The following LRRC37A variants were observed in gnomAD, a reference collection of about 807,000 sequenced individuals.
The protein encoded by LRRC37A is leucine rich repeat containing 37A, also known as leucine-rich repeat-containing protein 37A.
In LRRC37A, 3 loss-of-function variants were observed where a neutral mutation model predicts 35.4. That is an observed-to-expected ratio of 0.08 (90% CI 0.04 to 0.22). The LOEUF (loss-of-function observed/expected upper bound fraction) is 0.22. LRRC37A is among the 10% of genes least tolerant of loss of function. LRRC37A has a pLI of 1.00. For synonymous variants in LRRC37A, 23 were observed against 215.0 expected (o/e 0.11, Z 7.81); for missense variants, 67 against 565.3 (o/e 0.12, Z 8.94).
the LRRC37A span, among the ~76,000 whole-genome samples, chr17:46,280,828 C>T: frequency 1.3e-5 from 2 of 152,178 alleles, no homozygotes; most frequent in Admixed American, 1.3e-4. Context: ...TCCGTCTTTG[C>T]CTTCCAAAGT....
the LRRC37A span, among the ~76,000 whole-genome samples, chr17:46,279,514 T>C: frequency 6.6e-6 from 1 of 150,392 alleles, no homozygotes; most frequent in Non-Finnish European, 1.5e-5. Flanking sequence ...TTTTTTTTTT[T>C]TTTTTGAGAT....
the LRRC37A span, among the ~76,000 whole-genome samples, chr17:46,248,561 C>A: frequency 6.6e-6 from 1 of 151,980 alleles, no homozygotes; most frequent in Non-Finnish European, 1.5e-5. Flanking sequence ...TCACTGTTGC[C>A]CAGGCTGCAG....
At chr17:46,288,100 C>T (rs556932923), upstream of LRRC37A, among the ~76,000 whole-genome samples, 17 of 152,226 alleles carry the variant, frequency 1.1e-4, no homozygotes, top group Admixed American at 3.3e-4. Context: ...AATTGACCTG[C>T]TTCATGAATG....
chr17:46,276,781 T>C, the LRRC37A span, among the ~76,000 whole-genome samples: 1 of 151,340 alleles, frequency 6.6e-6, no homozygotes, highest in South Asian at 2.1e-4. Context: ...GTAATTTTTT[T>C]CTTTTTTTCT....
the LRRC37A span, among the ~76,000 whole-genome samples, chr17:46,286,799 T>C: frequency 6.6e-6 from 1 of 152,268 alleles, no homozygotes; most frequent in Non-Finnish European, 1.5e-5. Context: ...GAACTCACTG[T>C]GACTGCAGGT....
the LRRC37A span, among the ~76,000 whole-genome samples, chr17:46,270,461 T>C: frequency 6.6e-6 from 1 of 152,268 alleles, no homozygotes; most frequent in African/African-American, 2.4e-5. Flanking sequence ...AAATTTATTA[T>C]AAATTTTACT....
At chr17:46,281,388 T>C in the LRRC37A span, among the ~76,000 whole-genome samples, 1 of 152,214 alleles carries the variant, frequency 6.6e-6, no homozygotes, top group Non-Finnish European at 1.5e-5. Flanking sequence ...ATTTTTCTTT[T>C]ATTCTTGTCT....
intron 7 of LRRC37A, among the ~76,000 whole-genome samples, chr17:46,324,841 A>AAAAAAAAT (rs2051640752): frequency 1.3e-5 from 1 of 74,580 alleles, no homozygotes; most frequent in Admixed American, 1.4e-4. Context: ...CCCTGTCTAA[A>AAAAAAAAT]ATATATATAT....
exon 9 of LRRC37A, chr17:46,330,930 A>C (rs1382514794): frequency 1.4e-6 from 1 of 726,012 alleles, no homozygotes; most frequent in Admixed American, 2.9e-5. Flanking sequence ...GAACAGCCCC[A>C]CACACAGCAG....
chr17:46,248,227 TAA>T, the LRRC37A span, among the ~76,000 whole-genome samples: 22,195 of 151,758 alleles, frequency 0.15, 2,289 homozygotes, highest in Middle Eastern at 0.22. Context: ...ATTATTTTCT[TAA>T]GTCAGGTTTA....
chr17:46,268,204 A>T, the LRRC37A span, among the ~76,000 whole-genome samples: 1 of 152,354 alleles, frequency 6.6e-6, no homozygotes, highest in South Asian at 2.1e-4. Flanking sequence ...TTTTTAGTAC[A>T]GATGGGGTTT....
At position 46,331,092 on chromosome 17, in the gene LRRC37A, C is replaced by G. The variant is rs199683082; in HGVS notation, c.3815C>G (p.Ser1272Trp). The G allele has an allele frequency of 7.7e-3, 5,497 of 715,654 alleles. 2,405 individuals are homozygous for G. The highest frequency in any genetic ancestry group is 0.019 in the Middle Eastern group (32 of 1,664). 44.3% of individuals were successfully genotyped at this position (715,654 alleles called of 1,614,324 possible). The stretch of plus-strand genomic sequence containing the variant: ...GCCCTACCACAGGTGAGAGACAGAT[C>G]GAAAGACTTAACCCACGCTATTTCC... The change falls in exon 9 of 14, where the codon TCG becomes TGG. Residue 1272 changes from serine to tryptophan, a missense_variant. By Grantham distance (177) the Ser-to-Trp change is radical. Transcript: ENST00000320254.
At chr17:46,266,287 A>T in the LRRC37A span, among the ~76,000 whole-genome samples, 1 of 152,192 alleles carries the variant, frequency 6.6e-6, no homozygotes, top group East Asian at 1.9e-4. Context: ...TATTCTCCGC[A>T]CTTGTCACCC....
chr17:46,255,359 A>G, the LRRC37A span, among the ~76,000 whole-genome samples: 10 of 148,114 alleles, frequency 6.8e-5, no homozygotes, highest in East Asian at 4.1e-4. Flanking sequence ...ATCCTCCCCA[A>G]ATTCTTTTTT....
chr17:46,267,258 G>A, the LRRC37A span: 1 of 945,758 alleles, frequency 1.1e-6, no homozygotes, highest in Non-Finnish European at 1.5e-6. Flanking sequence ...TTTCGCTGTT[G>A]CTAAAAACCA....
the LRRC37A span, among the ~76,000 whole-genome samples, chr17:46,280,569 CTTTTT>C: frequency 6.2e-5 from 7 of 112,012 alleles, no homozygotes; most frequent in South Asian, 7.7e-4. Flanking sequence ...TGATAGCACA[CTTTTT>C]TTTTTTTTTT....
the LRRC37A span, among the ~76,000 whole-genome samples, chr17:46,257,494 G>T: frequency 7.2e-6 from 1 of 139,662 alleles, no homozygotes; most frequent in African/African-American, 2.7e-5. Context: ...GAACAAAAAA[G>T]AAAAAAATAA....
the LRRC37A span, among the ~76,000 whole-genome samples, chr17:46,279,043 A>G: frequency 3.3e-5 from 5 of 151,968 alleles, no homozygotes; most frequent in South Asian, 4.2e-4. Context: ...GGTGATCCAC[A>G]TGCCTTGGCC....
chr17:46,253,857 A>C, the LRRC37A span, among the ~76,000 whole-genome samples: 1 of 152,158 alleles, frequency 6.6e-6, no homozygotes, highest in African/African-American at 2.4e-5. Context: ...ATTTGAAAGG[A>C]ACCTTTCTAT....
Sources: allele counts gnomAD v4.1 joint callset (sites outside exome capture counted in the v4.1 genomes callset), GRCh38; gene constraint gnomAD v4.1.1; transcripts MANE v1.5; gene names NCBI Gene and HGNC (gene_info 2026-07-23, HGNC 2026-07-21).